Variants in ITFG2 observed in about 807,000 individuals in gnomAD.
The protein encoded by ITFG2 is integrin alpha FG-GAP repeat containing 2, also known as KICSTOR complex protein ITFG2.
Under a neutral mutation model 54.4 loss-of-function variants are expected in ITFG2, and 36 were observed. The ratio of observed to expected loss-of-function variants is 0.66; its 90% confidence interval spans 0.51 to 0.87. ITFG2 has a LOEUF of 0.87. ITFG2 is among the 40% of genes least tolerant of loss of function. ITFG2 has a pLI of 0.00. For missense variants in ITFG2, 524 were observed against 576.7 expected, an observed-to-expected ratio of 0.91 and a Z score of 0.94; for synonymous variants, 211 against 225.4, an observed-to-expected ratio of 0.94 and a Z score of 0.57.
At chr12:2,835,159 A>ATGTGTGTGTGTGTGTGTGTGTGTGTG (rs375198605), upstream of ITFG2, 237 of 1,127,314 alleles carry the variant, frequency 2.1e-4, 3 homozygotes, top group East Asian at 4.4e-3. Flanking sequence ...GATGGGGCGT[A>ATGTGTGTGTGTGTGTGTGTGTGTGTG]TGTGTGTGTG....
In ITFG2 at chr12:2,820,160, G is replaced by A; in HGVS notation, c.481G>A (p.Gly161Ser). The A allele has an allele frequency of 2.5e-6, 4 of 1,614,032 alleles. No individual in the cohort carries two copies. The highest frequency in any genetic ancestry group is 3.4e-6 in the Non-Finnish European group (4 of 1,179,962). The stretch of plus-strand genomic sequence containing the variant: ...GCGAGCTTTCCGCTGGGAGGAGCTA[G>A]GTGAGGGTCCTGAACATCTGACAGG... Reference protein sequence around the residue: ...VVRAFRWEELGEGPEHLTGQL... With the variant: ...VVRAFRWEELSEGPEHLTGQL... The change falls in exon 5 of 12, where the codon GGT (glycine) becomes AGT (serine). Residue 161 changes from glycine (G) to serine (S), a missense_variant. Physicochemically the swap from Gly to Ser is moderately conservative, Grantham distance 56 (BLOSUM62 0). Coordinates refer to ENST00000228799, the MANE Select transcript of ITFG2 (RefSeq NM_018463.4).
intron 1 of ITFG2, among the ~76,000 whole-genome samples, chr12:2,839,137 C>G (rs1475217497): frequency 6.6e-6 from 1 of 152,024 alleles, no homozygotes; most frequent in Non-Finnish European, 1.5e-5. Context: ...ACTAAAAATA[C>G]AAAAATTAGG....
intron 3 of ITFG2, chr12:2,858,806 C>G (rs941405297): frequency 1.2e-6 from 2 of 1,614,180 alleles, no homozygotes; most frequent in African/African-American, 2.7e-5. Flanking sequence ...GGCCAGAAAC[C>G]TGTGGCTCCG....
Position 2,858,597 on chromosome 12 carries a change from G to T in ITFG2, n.620+266G>T. The T allele has an allele frequency of 1.9e-6, 3 of 1,572,512 alleles. No individual in the cohort carries two copies. The highest frequency in any genetic ancestry group is 2.3e-5 in the South Asian group (2 of 85,882). ...GGGTGCACTGAGCCTTGGAGTGCCC[G>T]GGATGGTGGACAGCTTGAGCACAGG... On this transcript the variant is annotated intron_variant and non_coding_transcript_variant, in intron 3 of 3. Transcript: ENST00000537710.
chr12:2,827,846 A>C, downstream of ITFG2: 1 of 1,608,994 alleles, frequency 6.2e-7, no homozygotes. The surrounding 1 kb of genome is among the most constrained non-coding windows in gnomAD (Gnocchi z 4.0). Context: ...TGCTGCAGGG[A>C]GTGAAAGTCT....
downstream of ITFG2, among the ~76,000 whole-genome samples, chr12:2,828,843 AAAAC>A (rs1340601436): frequency 4.6e-5 from 7 of 152,134 alleles, no homozygotes; most frequent in Admixed American, 4.6e-4. Flanking sequence ...ACTCTGTCTC[AAAAC>A]AAACAAAAAA....
At chr12:2,829,091 G>A (rs1156916689), downstream of ITFG2, among the ~76,000 whole-genome samples, 1 of 152,096 alleles carries the variant, frequency 6.6e-6, no homozygotes, top group Non-Finnish European at 1.5e-5. Context: ...TCATAAGTTT[G>A]GGGAAGATCT....
rs74054747 is a variant in ITFG2 at position 2,821,242 on chromosome 12, C to G, written c.696-20C>G. The G allele has an allele frequency of 1.3e-6, 2 of 1,580,150 alleles. No homozygotes were observed. The highest frequency in any genetic ancestry group is 1.3e-5 in the African/African-American group (1 of 74,336). On this transcript the variant is annotated intron_variant, in intron 6 of 11. Transcript: ENST00000228799. Reference sequence around the variant, plus strand: ...AGCTCACTTGGTCTCCCGCTTGATCCGTCCACCTGCTGTGCACAGGGAGAC... The same window carrying G: ...AGCTCACTTGGTCTCCCGCTTGATCGGTCCACCTGCTGTGCACAGGGAGAC...
At position 2,824,190 on chromosome 12, in the gene ITFG2, C is replaced by G. The variant is rs1343310869; in HGVS notation, c.1341C>G (p.Thr447=). Residue 447 remains threonine (T), a synonymous_variant, in exon 12 of 12, where the codon ACC becomes ACG. Transcript: ENST00000228799. ...CTCCCTCAAGCCTCCAGGATCCCAC[C>G]TAGCTGTACTTGCCTCATAGCTGGT... is the stretch of plus-strand genomic sequence containing the variant. ...QCAPSSLQDP[T] The G allele has an allele frequency of 6.2e-7, 1 of 1,613,916 alleles. No individual in the cohort carries two copies. Among genetic ancestry groups the G allele is most frequent in the East Asian group, 2.2e-5 (1 of 44,892 alleles).
In ITFG2 at chr12:2,824,246, C is replaced by G. The variant is rs574798377; in HGVS notation, c.*53C>G. On this transcript the variant is annotated 3_prime_UTR_variant, in exon 12 of 12. Coordinates refer to ENST00000228799, the MANE Select transcript of ITFG2 (RefSeq NM_018463.4). ...ATTCTTCTGAACCCCCACCCTACCC[C>G]CTAAAGGTATCTGTGGTATTGGCAG... 3.0e-5 allele frequency: 46 copies of G among 1,535,812 alleles called. No homozygotes were observed. Among genetic ancestry groups the G allele is most frequent in the Admixed American group, 1.7e-4 (10 of 59,772 alleles).
chr12:2,834,649 T>C (rs1211854289), upstream of ITFG2: 1 of 1,596,116 alleles, frequency 6.3e-7, no homozygotes. Context: ...CACCAAGTCC[T>C]TGGAGGTGCC....
At chr12:2,819,434 C>T (rs1212650113) in intron 4 of ITFG2, among the ~76,000 whole-genome samples, 2 of 151,848 alleles carry the variant, frequency 1.3e-5, no homozygotes, top group East Asian at 1.9e-4. Context: ...CGCCACTGCA[C>T]TCCAGCCTAG....
chr12:2,856,073 A>T (rs1565454533), intron 2 of ITFG2, among the ~76,000 whole-genome samples: 1 of 152,144 alleles, frequency 6.6e-6, no homozygotes. Context: ...AGCAGCAAGT[A>T]CATATTGATG....
intron 4 of ITFG2, 114 bp downstream of exon 4, chr12:2,818,391 A>G (rs2097929181): frequency 8.5e-6 from 13 of 1,535,410 alleles, no homozygotes; most frequent in South Asian, 1.2e-5. Flanking sequence ...TGCATTTGTT[A>G]TGTGCTGAGC....
chr12:2,828,935 G>A (rs150509153), downstream of ITFG2, among the ~76,000 whole-genome samples: 1,047 of 152,178 alleles, frequency 6.9e-3, 12 homozygotes, highest in African/African-American at 0.024. Context: ...GACCAGGTGC[G>A]GTGGCTCATG....
rs112974593 is a variant in ITFG2 at position 2,859,261 on chromosome 12, C to T, written n.621-273C>T. 1.1e-5 allele frequency: 18 copies of T among 1,613,768 alleles called. No individual in the cohort carries two copies. The highest frequency in any genetic ancestry group is 1.4e-5 in the Non-Finnish European group (17 of 1,180,014). ...CCCTCTGAGAAGAGCAGCTCCGGCT[C>T]ATCCACACAGGGAGGCAGTAGATGC... On this transcript the variant is annotated intron_variant and non_coding_transcript_variant, in intron 3 of 3. Coordinates refer to the ITFG2 transcript ENST00000537710.
chr12:2,834,917 C>G, upstream of ITFG2: 1 of 1,613,462 alleles, frequency 6.2e-7, no homozygotes, highest in Non-Finnish European at 8.5e-7. Context: ...TGTCTCTGTC[C>G]CGTGCTGCAG....
chr12:2,844,981 G>A (rs1368283165), intron 2 of ITFG2, among the ~76,000 whole-genome samples: 1 of 152,210 alleles, frequency 6.6e-6, no homozygotes, highest in Non-Finnish European at 1.5e-5. Flanking sequence ...CCCTGGGACT[G>A]GCAGGGAATG....
chr12:2,818,076 C>T (rs1374656096), intron 3 of ITFG2, 30 bp from the exon 4 acceptor site: 2 of 1,610,026 alleles, frequency 1.2e-6, no homozygotes, highest in Non-Finnish European at 8.5e-7. Context: ...CCTCCCCAGT[C>T]CATCTCTACT....
Sources: gnomAD v4.1 joint callset for allele counts (sites outside exome capture counted in the v4.1 genomes callset) on GRCh38, gnomAD v4.1.1 for gene constraint, Gnocchi (gnomAD v3.1) non-coding constraint, MANE v1.5 for transcripts, NCBI Gene and HGNC (gene_info 2026-07-23, HGNC 2026-07-21) for gene names.